ING3: variants seen among roughly 807,000 people sequenced by gnomAD.
The protein encoded by ING3 is inhibitor of growth protein 3.
Under a neutral mutation model 64.8 loss-of-function variants are expected in ING3, and 6 were observed. The ratio of observed to expected loss-of-function variants is 0.09; its 90% CI spans 0.05 to 0.18. The LOEUF (loss-of-function observed/expected upper bound fraction) is 0.18, where lower values mean the gene tolerates loss of function less well. ING3 is among the 10% of genes least tolerant of loss of function. ING3 has a pLI of 1.00. For synonymous variants in ING3, 170 were observed against 173.7 expected (o/e 0.98, Z 0.17); for missense variants, 310 against 489.7 (o/e 0.63, Z 3.46).
intron 2 of ING3, 117 bp downstream of exon 2, chr7:120,951,352 A>G (rs932425797): frequency 3.3e-6 from 3 of 913,508 alleles, no homozygotes; most frequent in African/African-American, 3.3e-5. Flanking sequence ...CCGCTAGTGC[A>G]TAAGGAGTTG....
chr7:120,975,092 G>T lies in ING3; in HGVS notation c.*248G>T, dbSNP rs974037347. 1 of 237,720 alleles carries T rather than the reference G, an allele frequency of 4.2e-6. No homozygotes were observed. Among genetic ancestry groups the T allele is most frequent in the Admixed American group, 5.3e-5 (1 of 18,886 alleles). 14.7% of individuals were successfully genotyped at this position (237,720 alleles called of 1,614,324 possible). A position where few individuals can be genotyped will look rare whatever the true frequency, so the allele number is the denominator to read the frequency against. On this transcript the variant is annotated 3_prime_UTR_variant, in exon 12 of 12. Coordinates refer to ENST00000315870, the MANE Select transcript of ING3 (RefSeq NM_019071.3). ...CAGTTAGCCTTGGATTATTTCAGTG[G>T]CCAACATATGCAGACATTTGTACTC...
At chr7:120,962,351 G>A (rs972328956) in intron 4 of ING3, among the ~76,000 whole-genome samples, 1 of 151,870 alleles carries the variant, frequency 6.6e-6, no homozygotes, top group East Asian at 1.9e-4. Flanking sequence ...CCTACCACAA[G>A]TGGTTAAGGC....
intron 3 of ING3, 151 bp from the exon 4 acceptor site, chr7:120,955,408 G>A (rs1562972401): frequency 3.5e-6 from 2 of 576,514 alleles, no homozygotes; most frequent in Non-Finnish European, 6.0e-6. Context: ...ACAGGCGTGA[G>A]CCACTGCCCC....
At chr7:120,960,541 G>A (rs573012343) in intron 4 of ING3, among the ~76,000 whole-genome samples, 8 of 152,172 alleles carry the variant, frequency 5.3e-5, no homozygotes, top group East Asian at 1.9e-4. Flanking sequence ...TTTATATGGC[G>A]TTGCATTTTG....
intron 1 of ING3, 49 bp downstream of exon 1, chr7:120,950,973 C>A: frequency 6.9e-7 from 1 of 1,458,356 alleles, no homozygotes; most frequent in Non-Finnish European, 9.4e-7. Context: ...TGCGGGCGGG[C>A]AAGAGCGCGA....
intron 3 of ING3, among the ~76,000 whole-genome samples, chr7:120,955,009 AT>A (rs2116652452): frequency 1.3e-5 from 2 of 152,272 alleles, no homozygotes; most frequent in Middle Eastern, 6.8e-3. Context: ...TTACAATGGC[AT>A]TTACTTTTAA....
intron 3 of ING3, 87 bp from the exon 4 acceptor site, chr7:120,955,472 A>G (rs1397903357): frequency 1.0e-5 from 9 of 868,074 alleles, no homozygotes; most frequent in Non-Finnish European, 1.6e-5. Context: ...ATAACAAGAT[A>G]TGATAATGAA....
intron 3 of ING3, 32 bp downstream of exon 3, chr7:120,953,436 A>G: frequency 1.6e-6 from 2 of 1,257,836 alleles, no homozygotes; most frequent in Non-Finnish European, 2.3e-6. Flanking sequence ...ATTTATCAAG[A>G]AATATTGGGA....
At position 120,974,870 on chromosome 7, in the gene ING3, A is replaced by C; in HGVS notation, c.*26A>C. The C allele has an allele frequency of 1.3e-6, 2 of 1,493,488 alleles. No individual in the cohort carries two copies. Among genetic ancestry groups the C allele is most frequent in the Non-Finnish European group, 9.2e-7 (1 of 1,081,120 alleles). 92.5% of individuals were successfully genotyped at this position (1,493,488 alleles called of 1,614,324 possible). ...AGGTGGTCCTTTTGTTTGATGAAGA[A>C]ATAAACTTCAGCTGAAGATTTTATA... On this transcript the variant is annotated 3_prime_UTR_variant, in exon 12 of 12. Transcript: ENST00000315870.
rs1796140624 is a variant in ING3 at position 120,976,814 on chromosome 7, C to T, written c.*1970C>T. 6.6e-6 allele frequency: 1 copy of T among 152,112 alleles called. No individual in the cohort carries two copies. The highest frequency in any genetic ancestry group is 1.5e-5 in the Non-Finnish European group (1 of 68,012). The allele number at this position is 152,112 out of a possible 1,614,324, so 9.4% of individuals were successfully genotyped here. A position where few individuals can be genotyped will look rare whatever the true frequency, so the allele number is the denominator to read the frequency against. ...CCAAATCACTTAGAAAACACTTTGACAAGTTTTAAACTCAAACACTGAATA... is the reference window on the plus strand; with the variant it reads ...CCAAATCACTTAGAAAACACTTTGATAAGTTTTAAACTCAAACACTGAATA... On this transcript the variant is annotated 3_prime_UTR_variant, in exon 12 of 12. Transcript: ENST00000315870.
At chr7:120,969,250 G>A in intron 9 of ING3, 46 bp downstream of exon 9, 1 of 1,477,086 alleles carries the variant, frequency 6.8e-7, no homozygotes, top group South Asian at 1.2e-5. Flanking sequence ...CTGAACACTT[G>A]GTCTACTTGA....
chr7:120,969,947 G>T (rs951133482), intron 9 of ING3, among the ~76,000 whole-genome samples: 1 of 152,030 alleles, frequency 6.6e-6, no homozygotes, highest in Non-Finnish European at 1.5e-5. Context: ...CATCTTAATG[G>T]TACAAGTTTA....
chr7:120,973,905 A>G (rs1262650650), intron 11 of ING3, among the ~76,000 whole-genome samples: 2 of 152,210 alleles, frequency 1.3e-5, no homozygotes, highest in Non-Finnish European at 2.9e-5. Flanking sequence ...TTGTAAAACA[A>G]TCTGAAGATT....
At chr7:120,968,613 G>A (rs1455679395) in intron 8 of ING3, among the ~76,000 whole-genome samples, 1 of 152,106 alleles carries the variant, frequency 6.6e-6, no homozygotes, top group Non-Finnish European at 1.5e-5. Context: ...GATAGGCCGA[G>A]GCAGGTGGAT....
At chr7:120,962,766 C>T (rs2525716) in intron 4 of ING3, among the ~76,000 whole-genome samples, 42,937 of 151,706 alleles carry the variant, frequency 0.28, 7,511 homozygotes, top group African/African-American at 0.49. Flanking sequence ...CCATCTTCAC[C>T]GTCTTAATTC....
At chr7:120,957,579 T>A (rs1347064936) in intron 4 of ING3, among the ~76,000 whole-genome samples, 3 of 151,936 alleles carry the variant, frequency 2.0e-5, no homozygotes, top group African/African-American at 7.3e-5. Flanking sequence ...TCTTAGAGGG[T>A]ATAGGAAGAG....
At chr7:120,973,820 T>G (rs1796100216) in intron 11 of ING3, among the ~76,000 whole-genome samples, 1 of 152,222 alleles carries the variant, frequency 6.6e-6, no homozygotes, top group African/African-American at 2.4e-5. Flanking sequence ...ATACTGAGAA[T>G]ATTGTTGTCT....
chr7:120,958,787 C>T (rs1175939589), intron 4 of ING3, among the ~76,000 whole-genome samples: 1 of 152,166 alleles, frequency 6.6e-6, no homozygotes, highest in East Asian at 1.9e-4. Flanking sequence ...TTAAAAAGAA[C>T]TCAGGCAATC....
At chr7:120,953,676 AT>A (rs1018438239) in intron 3 of ING3, among the ~76,000 whole-genome samples, 74 of 152,308 alleles carry the variant, frequency 4.9e-4, no homozygotes, top group African/African-American at 1.7e-3. Flanking sequence ...AGTTTGTTTT[AT>A]TCTAGTTGAG....
Sources: allele counts gnomAD v4.1 joint callset (sites outside exome capture counted in the v4.1 genomes callset), GRCh38; gene constraint gnomAD v4.1.1; transcripts MANE v1.5; gene names NCBI Gene and HGNC (gene_info 2026-07-23, HGNC 2026-07-21).